UBASH3B: variants seen among roughly 807,000 people sequenced by gnomAD.
UBASH3B encodes the protein ubiquitin associated and SH3 domain containing B.
In UBASH3B, 37 loss-of-function variants were observed where a neutral mutation model predicts 83.4. The ratio of observed to expected loss-of-function variants is 0.44; its 90% CI spans 0.34 to 0.58. The LOEUF is 0.58. Among genes scored for constraint, UBASH3B ranks in the 20% least tolerant of loss-of-function variants. The pLI, the probability that UBASH3B is intolerant of heterozygous loss-of-function variation, is 0.01. For synonymous variants in UBASH3B, 304 were observed against 318.3 expected, an observed-to-expected ratio of 0.96 and a Z score of 0.48; for missense variants, 657 against 827.2, an observed-to-expected ratio of 0.79 and a Z score of 2.52.
At chr11:122,688,502 G>C (rs1406650192) in intron 1 of UBASH3B, among the ~76,000 whole-genome samples, 1 of 149,840 alleles carries the variant, frequency 6.7e-6, no homozygotes, top group Non-Finnish European at 1.5e-5. Flanking sequence ...CTGGAGAGCA[G>C]TAGTGCAATC....
chr11:122,744,873 C>CTGTGTGTGTGTGTGTG (rs544992534), intron 1 of UBASH3B, among the ~76,000 whole-genome samples: 13,285 of 138,966 alleles, frequency 0.096, 748 homozygotes, highest in Admixed American at 0.17. Context: ...ATGTGTGACT[C>CTGTGTGTGTGTGTGTG]TGTGTGTGTG....
intron 1 of UBASH3B, among the ~76,000 whole-genome samples, chr11:122,734,297 A>G (rs1565545814): frequency 6.6e-6 from 1 of 152,228 alleles, no homozygotes; most frequent in South Asian, 2.1e-4. Flanking sequence ...ATCAACAGCT[A>G]CAGTGAAGAG....
At chr11:122,718,243 C>T (rs946810253) in intron 1 of UBASH3B, among the ~76,000 whole-genome samples, 2 of 152,140 alleles carry the variant, frequency 1.3e-5, no homozygotes, top group Non-Finnish European at 2.9e-5. Context: ...GTTTTAAACA[C>T]GTCCAAGAAA....
chr11:122,803,347 G>A (rs958650225), intron 11 of UBASH3B, among the ~76,000 whole-genome samples: 1 of 152,210 alleles, frequency 6.6e-6, no homozygotes, highest in African/African-American at 2.4e-5. Flanking sequence ...GACATGTGGT[G>A]ACAGGCAGAA....
At chr11:122,709,427 A>C (rs1264806485) in intron 1 of UBASH3B, 1 of 152,252 alleles carries the variant, frequency 6.6e-6, no homozygotes, top group Non-Finnish European at 1.5e-5. Flanking sequence ...CTGAGATTTC[A>C]TCACTTACAA....
chr11:122,711,313 G>A (rs1002211924), intron 1 of UBASH3B, among the ~76,000 whole-genome samples: 4 of 152,232 alleles, frequency 2.6e-5, no homozygotes, highest in Admixed American at 2.6e-4. Context: ...GGGAAAGAGA[G>A]GAGAGGTAAT....
chr11:122,676,909 C>T (rs538412088), intron 1 of UBASH3B, among the ~76,000 whole-genome samples: 2 of 152,314 alleles, frequency 1.3e-5, no homozygotes, highest in South Asian at 2.1e-4. Flanking sequence ...TCACTCAAGC[C>T]CTTGCATTTT....
intron 1 of UBASH3B, among the ~76,000 whole-genome samples, chr11:122,719,375 G>A (rs1185936292): frequency 6.6e-6 from 1 of 152,136 alleles, no homozygotes; most frequent in Non-Finnish European, 1.5e-5. Flanking sequence ...AAAAGAAATG[G>A]TTTAGGAAAC....
chr11:122,808,566 G>C (rs1483385179), intron 13 of UBASH3B, among the ~76,000 whole-genome samples: 2 of 152,168 alleles, frequency 1.3e-5, no homozygotes, highest in African/African-American at 4.8e-5. Flanking sequence ...AAGGTAGGCC[G>C]AGGCATGCAG....
chr11:122,688,258 T>G (rs1247102200), intron 1 of UBASH3B, among the ~76,000 whole-genome samples: 1 of 151,868 alleles, frequency 6.6e-6, no homozygotes, highest in Non-Finnish European at 1.5e-5. Context: ...TTCCTTCCCT[T>G]CCTTCCCTTC....
At position 122,813,377 on chromosome 11, in the gene UBASH3B, A is replaced by G. The variant is rs1439280809; in HGVS notation, c.*3491A>G. 1.3e-5 allele frequency: 2 copies of G among 152,202 alleles called. No individual in the cohort carries two copies. The highest frequency in any genetic ancestry group is 2.9e-5 in the Non-Finnish European group (2 of 68,032). 9.4% of individuals were successfully genotyped at this position (152,202 alleles called of 1,614,324 possible). ...TTGTGGAAAGGCTTCCCTATGTGGT[A>G]AAAGAAAGGCATTCCTCCGTAACCT... On this transcript the variant is annotated 3_prime_UTR_variant, in exon 14 of 14. Coordinates refer to ENST00000284273, the MANE Select transcript of UBASH3B (RefSeq NM_032873.5).
At chr11:122,761,407 G>T (rs1409699435) in intron 1 of UBASH3B, among the ~76,000 whole-genome samples, 2 of 152,212 alleles carry the variant, frequency 1.3e-5, no homozygotes, top group Admixed American at 6.5e-5. Flanking sequence ...GGAGGTCGAG[G>T]CTGCAGTGAG....
At chr11:122,798,796 A>G (rs1565570766) in intron 9 of UBASH3B, 146 bp from the exon 10 acceptor site, 6 of 567,664 alleles carry the variant, frequency 1.1e-5, no homozygotes, top group Non-Finnish European at 1.9e-5. Flanking sequence ...AGAAACTAAC[A>G]AAGGCTGAAA....
chr11:122,775,919 G>T (rs547332851), intron 1 of UBASH3B: 146 of 297,330 alleles, frequency 4.9e-4, no homozygotes, highest in African/African-American at 2.8e-3. Context: ...ACCAAGACAT[G>T]ACAACCTTTA....
Position 122,777,163 on chromosome 11 carries a change from A to G in UBASH3B, c.355A>G (p.Lys119Glu). 6.2e-7 allele frequency: 1 copy of G among 1,614,014 alleles called. No individual in the cohort carries two copies. The highest frequency in any genetic ancestry group is 8.5e-7 in the Non-Finnish European group (1 of 1,179,950). Residue 119 changes from lysine (K) to glutamate (E), a missense_variant, in exon 3 of 14, where the codon AAG becomes GAG. Transcript: ENST00000284273. ...QQSKQICGKN[K>E]AHNIFPHITL... ...GTCGAAGCAGATCTGCGGGAAGAAC[A>G]AGGCACACAACATCTTCCCCCACAT... is the stretch of plus-strand genomic sequence containing the variant.
intron 1 of UBASH3B, among the ~76,000 whole-genome samples, chr11:122,662,970 G>GTTTTTTT: frequency 2.3e-5 from 3 of 129,238 alleles, no homozygotes; most frequent in East Asian, 2.5e-4. Context: ...ACGCGCTAAT[G>GTTTTTTT]TCTTTTTTTT....
Position 122,777,005 on chromosome 11 carries a change from G to T in UBASH3B, c.216-19G>T. ...ATTATTCTCAAGCGACACCTTGTTG[G>T]CTTACTTCTGTCTTACAGGTTATTC... is the stretch of plus-strand genomic sequence containing the variant. On this transcript the variant is annotated intron_variant, in intron 2 of 13. Coordinates refer to ENST00000284273, the MANE Select transcript of UBASH3B (RefSeq NM_032873.5). 1 of 1,570,078 alleles carries T rather than the reference G, an allele frequency of 6.4e-7. No individual in the cohort carries two copies. Among genetic ancestry groups the T allele is most frequent in the Non-Finnish European group, 8.6e-7 (1 of 1,156,218 alleles).
intron 1 of UBASH3B, among the ~76,000 whole-genome samples, chr11:122,678,666 C>T (rs1352304237): frequency 1.3e-5 from 2 of 151,038 alleles, no homozygotes; most frequent in East Asian, 1.9e-4. Flanking sequence ...TTGTGCTCCA[C>T]AAAATAGTCA....
chr11:122,702,297 T>C (rs2135929639), intron 1 of UBASH3B, among the ~76,000 whole-genome samples: 1 of 152,246 alleles, frequency 6.6e-6, no homozygotes, highest in African/African-American at 2.4e-5. Flanking sequence ...GACATCAGCA[T>C]GGAGAGAGAA....
Sources: allele counts gnomAD v4.1 joint callset (sites outside exome capture counted in the v4.1 genomes callset), GRCh38; gene constraint gnomAD v4.1.1; transcripts MANE v1.5; gene names NCBI Gene and HGNC (gene_info 2026-07-23, HGNC 2026-07-21).